Variants in CD99L2 observed in about 807,000 individuals in gnomAD.
The protein encoded by CD99L2 is CD99 molecule like 2, also known as CD99 antigen-like protein 2.
Under a neutral mutation model 27.3 loss-of-function variants are expected in CD99L2, and 24 were observed. The observed-to-expected ratio is 0.88, with a 90% CI of 0.64 to 1.24. The LOEUF is 1.24. Ranked by LOEUF, CD99L2 falls within the 50% of genes most tolerant of loss-of-function variation. The pLI is 0.00. For synonymous variants in CD99L2, 97 were observed against 87.9 expected, an observed-to-expected ratio of 1.10 and a Z score of -0.58; for missense variants, 255 against 221.6, an observed-to-expected ratio of 1.15 and a Z score of -0.96.
At chrX:150,836,680 G>T (rs1443274298) in intron 1 of CD99L2, among the ~76,000 whole-genome samples, 1 of 111,685 alleles carries the variant, frequency 9.0e-6, no homozygotes, top group African/African-American at 3.3e-5. Context: ...TACGTTCTGA[G>T]ATGTGTTTGT....
intron 9 of CD99L2, among the ~76,000 whole-genome samples, chrX:150,774,656 T>C (rs1557419205): frequency 8.9e-6 from 1 of 112,101 alleles, no homozygotes; most frequent in Non-Finnish European, 1.9e-5. Flanking sequence ...ACTATGTACC[T>C]GGTTGCCCTG....
At chrX:150,785,693 T>C (rs1399429765) in intron 7 of CD99L2, among the ~76,000 whole-genome samples, 2 of 111,797 alleles carry the variant, frequency 1.8e-5, no homozygotes, top group Non-Finnish European at 3.8e-5. Flanking sequence ...ATTTCTATCA[T>C]TATAGCTTAG....
At chrX:150,769,692 T>A (rs782667170) in intron 10 of CD99L2, among the ~76,000 whole-genome samples, 1 of 77,574 alleles carries the variant, frequency 1.3e-5, no homozygotes, top group Non-Finnish European at 2.0e-5. Flanking sequence ...CCACCAGGCC[T>A]CGGCTGCTCC....
chrX:150,829,320 C>T, intron 2 of CD99L2: 1 of 324,111 alleles, frequency 3.1e-6, no homozygotes. Flanking sequence ...TCCAGGTGGG[C>T]CTTAAACCCA....
At chrX:150,886,239 G>T (rs370026731) in intron 1 of CD99L2, among the ~76,000 whole-genome samples, 2 of 112,391 alleles carry the variant, frequency 1.8e-5, no homozygotes, top group African/African-American at 6.5e-5. Context: ...ATATTTCAAA[G>T]AATATATAGT....
At chrX:150,865,996 C>T (rs1413982290) in intron 1 of CD99L2, among the ~76,000 whole-genome samples, 1 of 111,546 alleles carries the variant, frequency 9.0e-6, no homozygotes. Context: ...TGATGCACTC[C>T]TGTAGTCCGT....
chrX:150,787,500 G>C (rs2045612526), intron 7 of CD99L2, among the ~76,000 whole-genome samples: 1 of 110,978 alleles, frequency 9.0e-6, no homozygotes, highest in African/African-American at 3.3e-5. Flanking sequence ...CAACCCAAAT[G>C]TCCATCAATG....
At chrX:150,872,247 A>C (rs1007655250) in intron 1 of CD99L2, among the ~76,000 whole-genome samples, 20 of 110,281 alleles carry the variant, frequency 1.8e-4, no homozygotes, top group African/African-American at 6.3e-4. Context: ...AAACAAACAA[A>C]AAAACACTCA....
chrX:150,829,883 G>A (rs1483829513), intron 2 of CD99L2, among the ~76,000 whole-genome samples: 6 of 111,331 alleles, frequency 5.4e-5, no homozygotes, highest in East Asian at 2.8e-4. Flanking sequence ...GAGGCCAGGC[G>A]TGGTGGCTCA....
At chrX:150,779,536 G>A (rs1454884419) in intron 7 of CD99L2, among the ~76,000 whole-genome samples, 3 of 112,373 alleles carry the variant, frequency 2.7e-5, no homozygotes, top group Non-Finnish European at 5.6e-5. Flanking sequence ...GGCCACTGGA[G>A]TTAACCAAGC....
chrX:150,864,682 C>T (rs1225917230), intron 1 of CD99L2, among the ~76,000 whole-genome samples: 3 of 112,493 alleles, frequency 2.7e-5, no homozygotes, highest in South Asian at 3.7e-4. Flanking sequence ...CTTGAAAACA[C>T]GGTTCTGAGT....
At chrX:150,815,937 C>T (rs1362269024) in intron 3 of CD99L2, 70 bp downstream of exon 3, 14 of 1,051,826 alleles carry the variant, frequency 1.3e-5, no homozygotes, top group Non-Finnish European at 9.3e-6. Flanking sequence ...AGGTAGTTCA[C>T]TTGCATGCTA....
chrX:150,880,105 C>T lies in CD99L2; in HGVS notation c.67+18417G>A, dbSNP rs782456156. On this transcript the variant is annotated intron_variant, in intron 1 of 10. Coordinates refer to ENST00000370377, the MANE Select transcript of CD99L2 (RefSeq NM_031462.4). The stretch of plus-strand genomic sequence containing the variant: ...GAGAAACTGGAACCTTCCTACACTG[C>T]TGGTGGGATTGTAAAATGACACAGC... 3.6e-5 allele frequency among the ~76,000 whole-genome samples: 4 copies of T among 111,565 alleles called. 1 individual carries two copies. The highest frequency in any genetic ancestry group is 1.3e-4 in the African/African-American group (4 of 30,718).
intron 1 of CD99L2, among the ~76,000 whole-genome samples, chrX:150,835,392 T>C: frequency 9.0e-6 from 1 of 111,597 alleles, no homozygotes. Flanking sequence ...TAGCCCGGCA[T>C]GGTGGTGCAC....
intron 1 of CD99L2, among the ~76,000 whole-genome samples, chrX:150,883,711 T>A (rs2047366875): frequency 9.0e-6 from 1 of 110,768 alleles, no homozygotes; most frequent in Non-Finnish European, 1.9e-5. Context: ...GCCAAAAAAA[T>A]AAATAAATAA....
chrX:150,816,404 A>C (rs2046156178), intron 2 of CD99L2: 1 of 266,726 alleles, frequency 3.7e-6, no homozygotes, highest in Non-Finnish European at 6.7e-6. Context: ...CCACAGCCTG[A>C]GCATGATCCT....
rs782727649 is a variant in CD99L2, at chrX:150,774,732, C to G, written c.655+1442G>C. The stretch of plus-strand genomic sequence containing the variant: ...ACTTCCCCCGCCGCGCTAAATGCAA[C>G]TCGACCCTCTCGCCCAATGTCTCCT... On this transcript the variant is annotated intron_variant, in intron 9 of 10. Transcript: ENST00000370377. 1.8e-4 allele frequency among the ~76,000 whole-genome samples: 20 copies of G among 112,560 alleles called. No individual in the cohort carries two copies. In the South Asian group the frequency reaches 5.9e-3, roughly 33 times the overall value.
intron 9 of CD99L2, 59 bp downstream of exon 9, chrX:150,776,115 C>T (rs1366140592): frequency 8.4e-7 from 1 of 1,188,313 alleles, no homozygotes; most frequent in Non-Finnish European, 1.1e-6. Context: ...GTCCTGGCCC[C>T]TTTCCCTCCA....
chrX:150,851,987 G>A (rs1557421615), intron 1 of CD99L2, among the ~76,000 whole-genome samples: 1 of 111,723 alleles, frequency 9.0e-6, no homozygotes, highest in Non-Finnish European at 1.9e-5. Flanking sequence ...AGCAGGGAGG[G>A]AACATTAGTC....
Sources: allele counts gnomAD v4.1 joint callset (sites outside exome capture counted in the v4.1 genomes callset), GRCh38; gene constraint gnomAD v4.1.1; transcripts MANE v1.5; gene names NCBI Gene and HGNC (gene_info 2026-07-23, HGNC 2026-07-21).